Variants in POLG observed in about 807,000 individuals in gnomAD.
The protein encoded by POLG is DNA polymerase subunit gamma-1.
Under a neutral mutation model 155.4 loss-of-function variants are expected in POLG, and 110 were observed. The observed-to-expected ratio is 0.71, with a 90% CI of 0.61 to 0.83. The LOEUF is 0.83. POLG is among the 40% of genes least tolerant of loss of function. The pLI is 0.00. For missense variants in POLG, 1,685 were observed against 1,627.5 expected (o/e 1.04, Z -0.61); for synonymous variants, 701 against 631.5 (o/e 1.11, Z -1.65).
At chr15:89,324,295 C>A in intron 10 of POLG, 68 bp from the exon 11 acceptor site, 1 of 1,567,030 alleles carries the variant, frequency 6.4e-7, no homozygotes, top group East Asian at 2.3e-5. Flanking sequence ...AGGCAGCTTG[C>A]TAGTGCCTTC....
intron 20 of POLG, 23 bp downstream of exon 20, chr15:89,318,908 A>G: frequency 2.5e-6 from 4 of 1,613,742 alleles, no homozygotes; most frequent in Non-Finnish European, 3.4e-6. Context: ...CCCTCTGCCC[A>G]TGCTCCAAAG....
In POLG at chr15:89,323,410, A is replaced by C. The variant is rs2055426550; in HGVS notation, c.2259T>G (p.Pro753=). 7 of 1,604,376 alleles carry C rather than the reference A, an allele frequency of 4.4e-6. No individual in the cohort carries two copies. Among genetic ancestry groups the C allele is most frequent in the Non-Finnish European group, 6.0e-6 (7 of 1,171,146 alleles). ...DIPGCWFFKL[P]HKDGNSCNVG... is the part of the protein sequence containing the mutation. Reference sequence around the variant, plus strand: ...GCCATGACCCAGGACACACCTTGTGAGGCAGCTTGAAAAACCAGCAGCCAG... The same window carrying C: ...GCCATGACCCAGGACACACCTTGTGCGGCAGCTTGAAAAACCAGCAGCCAG... The change falls in exon 13 of 23, where the codon CCT becomes CCG. Residue 753 remains proline, a synonymous_variant. Transcript: ENST00000268124.
chr15:89,325,037 A>AGAGTGAGTGAGT lies in POLG; in HGVS notation c.1949+401_1949+412dup, dbSNP rs71824331. 8.5e-5 allele frequency among the ~76,000 whole-genome samples: 6 copies of AGAGTGAGTGAGT among 70,868 alleles called. 1 individual carries two copies. The highest frequency in any genetic ancestry group is 3.3e-4 in the African/African-American group (6 of 18,070). 46.5% of individuals were successfully genotyped at this position (70,868 alleles called of 152,430 possible). Reference sequence around the variant, plus strand: ...CATGGAAGAAAAAACCTGAACCCAGAGAGTGAGTGAGTGAGTGAGAGAGTG... The same window carrying AGAGTGAGTGAGT: ...CATGGAAGAAAAAACCTGAACCCAGAGAGTGAGTGAGTGAGTGAGTGAGTGAGTGAGAGAGTG... On this transcript the variant is annotated intron_variant, in intron 10 of 22. Transcript: ENST00000268124.
rs1555454333 is a variant in POLG at position 89,333,596 on chromosome 15, T to TTGTTGC, written c.158_159insGCAACA (p.Gln54_Gln55dup). The TTGTTGC allele has an allele frequency of 1.9e-6, 3 of 1,598,022 alleles. No homozygotes were observed. The highest frequency in any genetic ancestry group is 2.6e-6 in the Non-Finnish European group (3 of 1,173,478). On this transcript the variant is annotated inframe_insertion, in exon 2 of 23. Coordinates refer to ENST00000268124, the MANE Select transcript of POLG (RefSeq NM_002693.3). ...GCACTTGCGGCTGCTGAGGCTGCTG[T>TTGTTGC]TGCTGCTGCTGCTGCTGCTGCTGCT...
rs2152059763 is a variant in POLG, at chr15:89,319,266, C to T, written c.3066G>A (p.Leu1022=). 1 of 1,614,182 alleles carries T rather than the reference C, an allele frequency of 6.2e-7. No homozygotes were observed. Among genetic ancestry groups the T allele is most frequent in the Non-Finnish European group, 8.5e-7 (1 of 1,180,026 alleles). ...CTCTCTGGACCTTGCGCAGATCCTG[C>T]AGGGAAATCCAGCCACCCTCAGTCC... ...VDRTEGGWIS[L]QDLRKVQRET... The change falls in exon 19 of 23, where the codon CTG becomes CTA. Residue 1022 remains leucine (L), a synonymous_variant. Transcript: ENST00000268124.
intron 9 of POLG, among the ~76,000 whole-genome samples, 164 bp downstream of exon 9, chr15:89,326,448 G>A (rs906673370): frequency 2.0e-5 from 3 of 152,226 alleles, no homozygotes; most frequent in African/African-American, 4.8e-5. Context: ...CCGGTCCAGA[G>A]TGAGCAAATG....
At chr15:89,326,870 G>C (rs146705808) in intron 8 of POLG, 42 bp downstream of exon 8, 2 of 1,612,668 alleles carry the variant, frequency 1.2e-6, no homozygotes, top group Non-Finnish European at 1.7e-6. Context: ...CCTTCCCAGA[G>C]ACAACCCCTA....
chr15:89,324,840 TAC>T (rs1300414598), intron 10 of POLG, among the ~76,000 whole-genome samples: 1 of 152,192 alleles, frequency 6.6e-6, no homozygotes, highest in Non-Finnish European at 1.5e-5. Flanking sequence ...TCAAATTATA[TAC>T]ACACACTTTT....
rs1567186644 is a variant in POLG, at chr15:89,320,956, G to T, written c.2791C>A (p.Leu931Ile). The T allele has an allele frequency of 6.2e-7, 1 of 1,614,006 alleles. No individual in the cohort carries two copies. Among genetic ancestry groups the T allele is most frequent in the Non-Finnish European group, 8.5e-7 (1 of 1,180,018 alleles). ...ACAGTAGTGGCTGTCTTACTGTGTA[G>T]ATCAGTGCCCCTGCTCTTCCTGCCC... Reference protein sequence around the residue: ...LQGRKSRGTDLHSKTATTVGI... With the variant: ...LQGRKSRGTDIHSKTATTVGI... Residue 931 changes from leucine (L) to isoleucine (I), a missense_variant, in exon 18 of 23, where the codon CTA (leucine) becomes ATA (isoleucine). This residue lies in a region of POLG where 470 missense variants were observed against 439.9 expected (regional missense o/e 1.07). Coordinates refer to ENST00000268124, the MANE Select transcript of POLG (RefSeq NM_002693.3).
chr15:89,333,432 T>A lies in POLG; in HGVS notation c.323A>T (p.Gln108Leu). The change falls in exon 2 of 23, where the codon CAG becomes CTG. Residue 108 changes from glutamine (Q) to leucine (L), a missense_variant. By Grantham distance (113) the Gln-to-Leu change is moderately radical. Coordinates refer to ENST00000268124, the MANE Select transcript of POLG (RefSeq NM_002693.3). ...TGGCTGCCCCCAGAGCCCGTGCTTCTGCAGGTGCTCGACGCTGCGGCGCAC... is the reference window on the plus strand; with the variant it reads ...TGGCTGCCCCCAGAGCCCGTGCTTCAGCAGGTGCTCGACGCTGCGGCGCAC... ...AAVRRSVEHL[Q>L]KHGLWGQPAV... 1 of 1,609,082 alleles carries A rather than the reference T, an allele frequency of 6.2e-7. No individual in the cohort carries two copies. Among genetic ancestry groups the A allele is most frequent in the Non-Finnish European group, 8.5e-7 (1 of 1,179,604 alleles).
chr15:89,328,794 T>C lies in POLG; in HGVS notation c.1061A>G (p.Asn354Ser), dbSNP rs148697152. 2.5e-6 allele frequency: 4 copies of C among 1,614,036 alleles called. No homozygotes were observed. The highest frequency in any genetic ancestry group is 3.3e-5 in the Admixed American group (2 of 60,018). The stretch of plus-strand genomic sequence containing the variant: ...AAGTCTGTGCACCTCTGCCAGACTG[T>C]TGACACTGCTGATGTCCAGCCAGTC... ...SWDWLDISSV[N>S]SLAEVHRLYV... The change falls in exon 5 of 23, where the codon AAC (asparagine) becomes AGC (serine). Residue 354 changes from asparagine (N) to serine (S), a missense_variant. Physicochemically the swap from Asn to Ser is conservative, Grantham distance 46 (BLOSUM62 1). Transcript: ENST00000268124.
Position 89,333,576 on chromosome 15 carries a change from T to C in POLG, c.179A>G (p.Gln60Arg). The C allele has an allele frequency of 6.2e-7, 1 of 1,609,940 alleles. No homozygotes were observed. The highest frequency in any genetic ancestry group is 8.5e-7 in the Non-Finnish European group (1 of 1,178,880). ...CTGCCCGCCCTCCGAGGATAGCACT[T>C]GCGGCTGCTGAGGCTGCTGTTGCTG... ...QQQQQQPQQP[Q>R]VLSSEGGQLR... Residue 60 changes from glutamine to arginine, a missense_variant, in exon 2 of 23, where the codon CAA (glutamine) becomes CGA (arginine). Physicochemically the swap from Gln to Arg is conservative, Grantham distance 43. Around this residue, in one of 3 missense-constraint regions of POLG, gnomAD observed 1,210 missense variants for 1,167.1 expected, o/e 1.04. Coordinates refer to ENST00000268124, the MANE Select transcript of POLG (RefSeq NM_002693.3).
chr15:89,319,973 A>G (rs989180312), intron 18 of POLG, among the ~76,000 whole-genome samples: 9 of 152,078 alleles, frequency 5.9e-5, no homozygotes, highest in African/African-American at 1.9e-4. Flanking sequence ...GACACTTTCA[A>G]AGGTGTCCAC....
At chr15:89,325,056 G>GTT (rs2055457566) in intron 10 of POLG, among the ~76,000 whole-genome samples, 1 of 110,874 alleles carries the variant, frequency 9.0e-6, no homozygotes, top group African/African-American at 4.6e-5. Flanking sequence ...GAGTGAGTGA[G>GTT]AGAGTGAGTG....
At position 89,322,906 on chromosome 15, in the gene POLG, G is replaced by A; in HGVS notation, c.2266-4C>T. 1 of 1,611,986 alleles carries A rather than the reference G, an allele frequency of 6.2e-7. No individual in the cohort carries two copies. The highest frequency in any genetic ancestry group is 1.3e-5 in the African/African-American group (1 of 74,992). ...CCACATTACAGCTATTACCATCCTG[G>A]ACAGAGCAAAGGAAGCAGGGGCTGG... On this transcript the variant is annotated splice_polypyrimidine_tract_variant and splice_region_variant and intron_variant, in intron 13 of 22. Transcript: ENST00000268124.
rs1460107066 is a variant in POLG at position 89,333,926 on chromosome 15, G to C, written c.-159-13C>G. The stretch of plus-strand genomic sequence containing the variant: ...TCCACCCCAAATCCTAAAGGAGACA[G>C]ATGATATAAAGCGTTATTTTACCAT... On this transcript the variant is annotated splice_polypyrimidine_tract_variant and intron_variant, in intron 1 of 22. Coordinates refer to ENST00000268124, the MANE Select transcript of POLG (RefSeq NM_002693.3). 1.4e-6 allele frequency: 1 copy of C among 703,204 alleles called. No individual in the cohort carries two copies. The highest frequency in any genetic ancestry group is 2.4e-6 in the Non-Finnish European group (1 of 419,616). 43.6% of individuals were successfully genotyped at this position (703,204 alleles called of 1,614,324 possible). A position where few individuals can be genotyped will look rare whatever the true frequency, so the allele number is the denominator to read the frequency against.
intron 2 of POLG, among the ~76,000 whole-genome samples, chr15:89,331,440 C>T (rs2055592864): frequency 6.6e-6 from 1 of 152,194 alleles, no homozygotes; most frequent in South Asian, 2.1e-4. Flanking sequence ...CAAGATGCAG[C>T]TCTGCAGCTG....
At chr15:89,318,198 C>A (rs920716730) in intron 21 of POLG, among the ~76,000 whole-genome samples, 1 of 152,108 alleles carries the variant, frequency 6.6e-6, no homozygotes, top group African/African-American at 2.4e-5. Context: ...AAACAAACAT[C>A]TCAATTTTCT....
chr15:89,324,104 C>T lies in POLG; in HGVS notation c.2070+3G>A, dbSNP rs1443652687. On this transcript the variant is annotated splice_donor_region_variant and intron_variant, in intron 11 of 22. Transcript: ENST00000268124. ...AAAGCTCAGGTTCAGAGCCTGCCCTCACCGTTTGCCATATGGCACTATTGT... is the reference window on the plus strand; with the variant it reads ...AAAGCTCAGGTTCAGAGCCTGCCCTTACCGTTTGCCATATGGCACTATTGT... 6.2e-7 allele frequency: 1 copy of T among 1,613,926 alleles called. No individual in the cohort carries two copies. Among genetic ancestry groups the T allele is most frequent in the Non-Finnish European group, 8.5e-7 (1 of 1,180,062 alleles).
Sources: gnomAD v4.1 joint callset for allele counts (sites outside exome capture counted in the v4.1 genomes callset) on GRCh38, gnomAD v4.1.1 for gene constraint, gnomAD v4.1.1 regional missense constraint, MANE v1.5 for transcripts, NCBI Gene and HGNC (gene_info 2026-07-23, HGNC 2026-07-21) for gene names.